The following NF1 variants were observed in gnomAD, a reference collection of about 807,000 sequenced individuals.
NF1 encodes neurofibromin.
A neutral mutation model predicts 325.7 loss-of-function variants in NF1; 122 were observed. That is an observed-to-expected ratio of 0.37 (90% CI 0.32 to 0.44). The LOEUF is 0.44. Among genes scored for constraint, NF1 ranks in the 20% least tolerant of loss-of-function variants. NF1 has a pLI of 1.00. For missense variants in NF1, 2,140 were observed against 3,415.4 expected, an observed-to-expected ratio of 0.63 and a Z score of 9.31; for synonymous variants, 1,091 against 1,186.0, an observed-to-expected ratio of 0.92 and a Z score of 1.65.
At position 31,169,931 on chromosome 17, in the gene NF1, G is replaced by T. The variant is rs1555607084; in HGVS notation, c.520G>T (p.Val174Phe). ...LTVCSEDNVD[V>F]HDIELLQYIN... ...TGTTTGTTCAGAAGACAATGTTGATGTTCATGATATAGAATTGTTACAGTA... is the reference window on the plus strand; with the variant it reads ...TGTTTGTTCAGAAGACAATGTTGATTTTCATGATATAGAATTGTTACAGTA... The change falls in exon 5 of 58, where the codon GTT (valine) becomes TTT (phenylalanine). Residue 174 changes from valine (V) to phenylalanine (F), a missense_variant. Transcript: ENST00000358273. The T allele has an allele frequency of 1.3e-6, 2 of 1,562,110 alleles. No homozygotes were observed. The highest frequency in any genetic ancestry group is 1.7e-6 in the Non-Finnish European group (2 of 1,147,824).
intron 36 of NF1, among the ~76,000 whole-genome samples, chr17:31,284,896 A>T (rs2068195012): frequency 6.6e-6 from 1 of 152,070 alleles, no homozygotes; most frequent in Non-Finnish European, 1.5e-5. Context: ...CGAGGTGGGC[A>T]GATCACTTGA....
At chr17:31,233,552 G>C (rs1008202378) in intron 27 of NF1, among the ~76,000 whole-genome samples, 3 of 152,104 alleles carry the variant, frequency 2.0e-5, no homozygotes, top group African/African-American at 7.2e-5. Context: ...ATTTGTGCCT[G>C]TTTACTACCT....
At chr17:31,329,446 A>G (rs17883430) in intron 38 of NF1, among the ~76,000 whole-genome samples, 1,937 of 152,262 alleles carry the variant, frequency 0.013, 43 homozygotes, top group African/African-American at 0.044. Context: ...TTTTTTCCCT[A>G]TATGGTTGTT....
chr17:31,134,828 C>G (rs996900491), intron 1 of NF1, among the ~76,000 whole-genome samples: 1 of 152,082 alleles, frequency 6.6e-6, no homozygotes, highest in African/African-American at 2.4e-5. Context: ...CTGAGAGAAT[C>G]AAAAGCCACA....
At chr17:31,140,734 G>A (rs560563136) in intron 1 of NF1, among the ~76,000 whole-genome samples, 23 of 152,164 alleles carry the variant, frequency 1.5e-4, no homozygotes, top group Non-Finnish European at 2.9e-4. Flanking sequence ...TAAAGAAAAT[G>A]TGTGTGTATG....
chr17:31,246,068 A>AT (rs1206007252), intron 29 of NF1, among the ~76,000 whole-genome samples: 4 of 152,164 alleles, frequency 2.6e-5, no homozygotes, highest in African/African-American at 9.7e-5. Flanking sequence ...CCAAATATAT[A>AT]TTTATCACAA....
At chr17:31,307,109 G>A (rs1011908095) in intron 36 of NF1, among the ~76,000 whole-genome samples, 2 of 151,664 alleles carry the variant, frequency 1.3e-5, no homozygotes, top group Non-Finnish European at 2.9e-5. Flanking sequence ...TGCAAATTCC[G>A]CTTCCCAGGT....
intron 36 of NF1, among the ~76,000 whole-genome samples, chr17:31,305,919 C>T (rs1418939897): frequency 6.6e-6 from 1 of 152,202 alleles, no homozygotes; most frequent in African/African-American, 2.4e-5. Context: ...GCCCCTCTAG[C>T]TTCATTATAT....
chr17:31,142,577 C>T (rs775683992), intron 1 of NF1, among the ~76,000 whole-genome samples: 6 of 151,912 alleles, frequency 3.9e-5, no homozygotes, highest in African/African-American at 7.3e-5. Context: ...TTAATGAGGC[C>T]GGAAATGAGG....
chr17:31,350,059 C>T (rs1270520008), intron 49 of NF1, 124 bp from the exon 50 acceptor site: 1 of 1,003,572 alleles, frequency 1.0e-6, no homozygotes, highest in Admixed American at 1.8e-5. Flanking sequence ...TTTATGTAGT[C>T]TTCCAAAATA....
chr17:31,162,242 C>T (rs572903758), intron 3 of NF1, among the ~76,000 whole-genome samples: 9 of 151,744 alleles, frequency 5.9e-5, no homozygotes, highest in Admixed American at 4.6e-4. Context: ...TTTGGGAGGC[C>T]GAGGAGGGCG....
At chr17:31,252,456 T>A (rs2151455312) in intron 30 of NF1, 2 of 197,754 alleles carry the variant, frequency 1.0e-5, no homozygotes, top group East Asian at 1.6e-4. Context: ...ATTTCTTTAT[T>A]CAGTAGGATC....
chr17:31,296,981 A>G (rs1391801153), intron 36 of NF1: 1 of 152,586 alleles, frequency 6.6e-6, no homozygotes, highest in African/African-American at 2.4e-5. Flanking sequence ...AACAATATGT[A>G]TATTTACAGA....
chr17:31,104,321 G>T (rs1450730474), intron 1 of NF1, among the ~76,000 whole-genome samples: 1 of 152,154 alleles, frequency 6.6e-6, no homozygotes, highest in African/African-American at 2.4e-5. Context: ...TTCCACTTGT[G>T]TTCCTTAGGT....
chr17:31,126,753 C>G (rs748902171), intron 1 of NF1, among the ~76,000 whole-genome samples: 1 of 151,914 alleles, frequency 6.6e-6, no homozygotes, highest in African/African-American at 2.4e-5. Flanking sequence ...AGATCTAATT[C>G]TAGATTTGTG....
In NF1 at chr17:31,330,443, G is replaced by A. The variant is rs141077224; in HGVS notation, c.5757G>A (p.Glu1919=). 193 of 1,613,918 alleles carry A rather than the reference G, an allele frequency of 1.2e-4. No homozygotes were observed. In the Middle Eastern group the frequency reaches 1.3e-3, roughly 11 times the overall value. Residue 1919 remains glutamate, a synonymous_variant, in exon 39 of 58, where the codon GAG becomes GAA. Coordinates refer to ENST00000358273, the MANE Select transcript of NF1 (RefSeq NM_001042492.3). ...VSISKTLAAN[E]PHLTLEFLEE... ...TTAGTAAGACACTGGCAGCCAATGA[G>A]CCACACCTCACGTTAGAATTTTTGG...
chr17:31,277,574 G>T (rs1439894716), intron 36 of NF1, among the ~76,000 whole-genome samples: 1 of 152,132 alleles, frequency 6.6e-6, no homozygotes, highest in Non-Finnish European at 1.5e-5. Flanking sequence ...CTAAGAGGCT[G>T]ACCTGTGTAG....
rs73275658 is a variant in NF1 at position 31,291,749 on chromosome 17, G to A, written c.4835+26410G>A. Among the ~76,000 whole-genome samples the A allele has an allele frequency of 1.6e-3, 250 of 152,318 alleles. 1 individual carries two copies. Among genetic ancestry groups the A allele is most frequent in the African/African-American group, 5.8e-3 (240 of 41,570 alleles). On this transcript the variant is annotated intron_variant, in intron 36 of 57. Coordinates refer to ENST00000358273, the MANE Select transcript of NF1 (RefSeq NM_001042492.3). ...TTTGTGATCTTTTAAGTTAGCTATA[G>A]AAGCCATCTTCTCATTCTGCTGTGG...
chr17:31,263,172 G>A (rs373391402), intron 35 of NF1, among the ~76,000 whole-genome samples: 1 of 152,090 alleles, frequency 6.6e-6, no homozygotes, highest in South Asian at 2.1e-4. Flanking sequence ...TGGGCACAGT[G>A]GCTCATGCCT....
Sources: allele counts gnomAD v4.1 joint callset (sites outside exome capture counted in the v4.1 genomes callset), GRCh38; gene constraint gnomAD v4.1.1; transcripts MANE v1.5; gene names NCBI Gene and HGNC (gene_info 2026-07-23, HGNC 2026-07-21).